Variants in ARHGAP24 observed in about 807,000 individuals in gnomAD.
The protein encoded by ARHGAP24 is rho GTPase-activating protein 24.
ARHGAP24 carries 50 observed loss-of-function variants against 76.4 expected under a neutral mutation model. That is an observed-to-expected ratio of 0.65 (90% CI 0.52 to 0.83). The LOEUF is 0.83. Ranked by LOEUF, ARHGAP24 falls within the 40% of genes least tolerant of loss-of-function variation. The pLI is 0.00. For synonymous variants in ARHGAP24, 345 were observed against 323.3 expected (o/e 1.07, Z -0.72); for missense variants, 930 against 914.2 (o/e 1.02, Z -0.22).
intron 1 of ARHGAP24, among the ~76,000 whole-genome samples, chr4:85,487,691 A>C (rs1234765115): frequency 2.8e-5 from 3 of 106,312 alleles, no homozygotes; most frequent in African/African-American, 1.2e-4. Flanking sequence ...ATATTATATA[A>C]ATATATATTT....
chr4:85,635,386 T>C (rs1041793260), intron 2 of ARHGAP24, among the ~76,000 whole-genome samples: 2 of 151,878 alleles, frequency 1.3e-5, no homozygotes, highest in Non-Finnish European at 2.9e-5. Context: ...TGTTTTTTAG[T>C]TTTTGTTACA....
chr4:85,490,868 A>G (rs1723326283), intron 1 of ARHGAP24, among the ~76,000 whole-genome samples: 1 of 152,212 alleles, frequency 6.6e-6, no homozygotes. Context: ...ATTTATTAAT[A>G]AAAATTTTCC....
chr4:85,933,324 A>G (rs181316962), intron 4 of ARHGAP24, among the ~76,000 whole-genome samples: 47 of 152,294 alleles, frequency 3.1e-4, no homozygotes, highest in Middle Eastern at 3.4e-3. Context: ...CAGAGGAGAC[A>G]TGCTGCATTT....
intron 3 of ARHGAP24, chr4:85,827,956 G>C: frequency 7.8e-7 from 1 of 1,289,786 alleles, no homozygotes; most frequent in Non-Finnish European, 1.0e-6. Flanking sequence ...ACTGACCACT[G>C]AAGTGTATGT....
At chr4:85,772,139 T>G (rs1385487906) in intron 3 of ARHGAP24, among the ~76,000 whole-genome samples, 1 of 152,262 alleles carries the variant, frequency 6.6e-6, no homozygotes, top group African/African-American at 2.4e-5. Flanking sequence ...AAGAATCTCC[T>G]GACTTAGGAG....
At chr4:85,790,645 T>C (rs1475084232) in intron 3 of ARHGAP24, among the ~76,000 whole-genome samples, 1 of 152,196 alleles carries the variant, frequency 6.6e-6, no homozygotes, top group Admixed American at 6.5e-5. Flanking sequence ...AAGGACTATT[T>C]GGGATATTTA....
intron 2 of ARHGAP24, among the ~76,000 whole-genome samples, chr4:85,698,558 G>A (rs537426717): frequency 6.6e-6 from 1 of 152,226 alleles, no homozygotes; most frequent in Non-Finnish European, 1.5e-5. Context: ...ACATTGTAGT[G>A]GTCTGTTAAT....
intron 3 of ARHGAP24, among the ~76,000 whole-genome samples, chr4:85,877,317 A>G (rs1209666068): frequency 6.6e-6 from 1 of 152,176 alleles, no homozygotes; most frequent in African/African-American, 2.4e-5. Flanking sequence ...ACATTGAAAT[A>G]CCAGTTTAAG....
intron 3 of ARHGAP24, among the ~76,000 whole-genome samples, chr4:85,908,963 G>C (rs552060437): frequency 6.6e-6 from 1 of 152,062 alleles, no homozygotes; most frequent in South Asian, 2.1e-4. Flanking sequence ...TATGCTTTAG[G>C]TCTAGCTTGT....
At chr4:85,657,424 T>C (rs1039865737) in intron 2 of ARHGAP24, among the ~76,000 whole-genome samples, 7 of 152,194 alleles carry the variant, frequency 4.6e-5, no homozygotes, top group Admixed American at 4.6e-4. Flanking sequence ...GGATTTTTTT[T>C]CAAATACAAG....
At chr4:85,850,286 C>G (rs1336811807) in intron 3 of ARHGAP24, among the ~76,000 whole-genome samples, 6 of 151,988 alleles carry the variant, frequency 3.9e-5, no homozygotes, top group South Asian at 2.1e-4. Flanking sequence ...TGTGGGATCG[C>G]TGGTGATATC....
intron 1 of ARHGAP24, among the ~76,000 whole-genome samples, chr4:85,565,733 A>G (rs1156842582): frequency 6.6e-6 from 1 of 152,134 alleles, no homozygotes; most frequent in African/African-American, 2.4e-5. Context: ...ATGTATAGTA[A>G]GGTATTGTAA....
At chr4:85,526,022 A>T (rs866534777) in intron 1 of ARHGAP24, among the ~76,000 whole-genome samples, 33 of 152,200 alleles carry the variant, frequency 2.2e-4, no homozygotes, top group South Asian at 1.5e-3. Context: ...CCTCCTTTGA[A>T]ACTGAGATAA....
At chr4:85,851,312 T>C (rs928768676) in intron 3 of ARHGAP24, among the ~76,000 whole-genome samples, 5 of 152,222 alleles carry the variant, frequency 3.3e-5, no homozygotes, top group African/African-American at 1.2e-4. Context: ...TAGATCTTCC[T>C]CTGTCCCTTT....
chr4:85,734,497 A>G (rs1725530834), intron 3 of ARHGAP24, among the ~76,000 whole-genome samples: 1 of 152,200 alleles, frequency 6.6e-6, no homozygotes, highest in South Asian at 2.1e-4. Context: ...AGCACTTGAT[A>G]CATCTTATCC....
intron 3 of ARHGAP24, among the ~76,000 whole-genome samples, chr4:85,787,748 G>A (rs549468351): frequency 4.6e-5 from 7 of 152,284 alleles, no homozygotes; most frequent in Non-Finnish European, 8.8e-5. Flanking sequence ...AGGTTCTTGA[G>A]GGGTGGCAGG....
At chr4:85,882,446 A>G (rs1733311882) in intron 3 of ARHGAP24, among the ~76,000 whole-genome samples, 1 of 152,142 alleles carries the variant, frequency 6.6e-6, no homozygotes, top group African/African-American at 2.4e-5. Context: ...GATAATTAAG[A>G]TGATATCATT....
chr4:85,590,122 A>G (rs1728023345), intron 2 of ARHGAP24, among the ~76,000 whole-genome samples: 1 of 152,166 alleles, frequency 6.6e-6, no homozygotes, highest in Admixed American at 6.5e-5. Context: ...AATGTAAATG[A>G]AATGTTAATT....
At chr4:85,785,540 A>AC (rs1560632349) in intron 3 of ARHGAP24, among the ~76,000 whole-genome samples, 1 of 151,856 alleles carries the variant, frequency 6.6e-6, no homozygotes, top group Non-Finnish European at 1.5e-5. Flanking sequence ...AGTAAAACAG[A>AC]TTTTTTTTCT....
Sources: gnomAD v4.1 joint callset for allele counts (sites outside exome capture counted in the v4.1 genomes callset) on GRCh38, gnomAD v4.1.1 for gene constraint, MANE v1.5 for transcripts, NCBI Gene and HGNC (gene_info 2026-07-23, HGNC 2026-07-21) for gene names.